The following BID variants were observed in gnomAD, a reference collection of about 807,000 sequenced individuals.
BID encodes the protein BH3-interacting domain death agonist.
In BID, 19 loss-of-function variants were observed where a neutral mutation model predicts 17.4. The observed-to-expected ratio is 1.09, with a 90% CI of 0.76 to 1.60. The LOEUF (loss-of-function observed/expected upper bound fraction) is 1.60, where lower values mean the gene tolerates loss of function less well. Ranked by LOEUF, BID falls within the 40% of genes most tolerant of loss-of-function variation. The pLI is 0.00. For missense variants in BID, 226 were observed against 256.0 expected (o/e 0.88, Z 0.80); for synonymous variants, 108 against 102.8 (o/e 1.05, Z -0.31).
chr22:17,751,835 T>C (rs1328183794), intron 1 of BID, among the ~76,000 whole-genome samples: 1 of 152,170 alleles, frequency 6.6e-6, no homozygotes, highest in African/African-American at 2.4e-5. Context: ...GGCACCAGGA[T>C]CTGGCTCCGG....
At chr22:17,759,396 C>A (rs1471715302) in intron 1 of BID, among the ~76,000 whole-genome samples, 1 of 151,380 alleles carries the variant, frequency 6.6e-6, no homozygotes, top group African/African-American at 2.4e-5. Context: ...CCCATCTCTA[C>A]TAAAAATACA....
intron 1 of BID, among the ~76,000 whole-genome samples, chr22:17,761,867 AG>A (rs1182719001): frequency 6.6e-6 from 1 of 152,232 alleles, no homozygotes; most frequent in African/African-American, 2.4e-5. Flanking sequence ...TGATGATAAA[AG>A]GCACATACCT....
intron 3 of BID, 113 bp from the exon 4 acceptor site, chr22:17,739,601 G>A: frequency 1.5e-6 from 2 of 1,375,152 alleles, no homozygotes; most frequent in Middle Eastern, 2.1e-4. Flanking sequence ...GACAAGGCCA[G>A]CCCCCACTGG....
intron 3 of BID, 117 bp from the exon 4 acceptor site, chr22:17,739,605 C>G (rs907199575): frequency 1.5e-6 from 2 of 1,347,192 alleles, no homozygotes; most frequent in African/African-American, 2.9e-5. Context: ...AGGCCAGCCC[C>G]CACTGGGCAC....
At chr22:17,750,611 G>A (rs2061530805) in intron 1 of BID, among the ~76,000 whole-genome samples, 1 of 152,208 alleles carries the variant, frequency 6.6e-6, no homozygotes, top group African/African-American at 2.4e-5. Context: ...GGTGGATCAT[G>A]AGGTCAGGAG....
At chr22:17,759,682 GC>G (rs1420252968) in intron 1 of BID, among the ~76,000 whole-genome samples, 1 of 151,936 alleles carries the variant, frequency 6.6e-6, no homozygotes, top group African/African-American at 2.4e-5. Flanking sequence ...ACATAGTGAG[GC>G]CCCAACTCTA....
At chr22:17,766,964 C>T (rs1413240766) in intron 1 of BID, among the ~76,000 whole-genome samples, 2 of 151,898 alleles carry the variant, frequency 1.3e-5, no homozygotes, top group African/African-American at 4.8e-5. Flanking sequence ...TGGCTCACGC[C>T]TGTAATCCCA....
At position 17,773,116 on chromosome 22, in the gene BID, G is replaced by A. The variant is rs746967104; in HGVS notation, c.-59+1265C>T. Among the ~76,000 whole-genome samples, 1 of 152,098 alleles carries A rather than the reference G, an allele frequency of 6.6e-6. No individual in the cohort carries two copies. The highest frequency in any genetic ancestry group is 1.5e-5 in the Non-Finnish European group (1 of 68,024). ...ACCCCAGCCACGAACTGCTGACCCC[G>A]CATTTCCTCTTCCCTCCCTGGGCAA... On this transcript the variant is annotated intron_variant, in intron 1 of 5. Transcript: ENST00000622694. The surrounding 1 kb of genome is among the most constrained non-coding windows in gnomAD (Gnocchi z 4.4).
chr22:17,768,657 A>AC (rs768245742), intron 1 of BID, among the ~76,000 whole-genome samples: 413 of 152,302 alleles, frequency 2.7e-3, no homozygotes, highest in Non-Finnish European at 4.6e-3. Context: ...GTGGATCACG[A>AC]GGTCAGGAGA....
Position 17,762,399 on chromosome 22 carries a change from G to A in BID, c.-59+11982C>T, listed in dbSNP as rs545587304. Among the ~76,000 whole-genome samples the A allele has an allele frequency of 8.5e-5, 13 of 152,186 alleles. No individual in the cohort carries two copies. The South Asian group carries it at 2.7e-3, about 32-fold the overall frequency. On this transcript the variant is annotated intron_variant, in intron 1 of 5. Transcript: ENST00000622694. The stretch of plus-strand genomic sequence containing the variant: ...GTAACCCAGCTACTCGGGAGGCTGA[G>A]GCAGAAGAATTGCTTGAACCCAGAA...
At position 17,773,768 on chromosome 22, in the gene BID, T is replaced by A. The variant is rs1161012995; in HGVS notation, c.-59+613A>T. 2.3e-6 allele frequency: 3 copies of A among 1,330,336 alleles called. No individual in the cohort carries two copies. The highest frequency in any genetic ancestry group is 3.1e-6 in the Non-Finnish European group (3 of 957,182). The allele number at this position is 1,330,336 out of a possible 1,614,324, so 82.4% of individuals were successfully genotyped here. ...TGAGGGCTTCAGAGCTCTCCCAGGG[T>A]CCCCTGGGGTCATTCAGCCACTCAA... On this transcript the variant is annotated intron_variant, in intron 1 of 5. Coordinates refer to ENST00000622694, the MANE Select transcript of BID (RefSeq NM_001196.4). The surrounding 1 kb of genome is among the most constrained non-coding windows in gnomAD (Gnocchi z 4.4).
chr22:17,759,059 C>T (rs1314612959), intron 1 of BID, among the ~76,000 whole-genome samples: 6 of 151,840 alleles, frequency 4.0e-5, no homozygotes, highest in Admixed American at 3.3e-4. Flanking sequence ...GGTGAAACCC[C>T]GTCTCTACTA....
rs2061501120 is a variant in BID, at chr22:17,747,327, A to C, written c.12+2778T>G. The stretch of plus-strand genomic sequence containing the variant: ...TGCCCTTTTTTGATCTTCTAGATCC[A>C]CTTTGTTTTTGGAGACAGAGTCTCA... On this transcript the variant is annotated intron_variant, in intron 2 of 5. Transcript: ENST00000622694. Among the ~76,000 whole-genome samples, 3 of 152,028 alleles carry C rather than the reference A, an allele frequency of 2.0e-5. No homozygotes were observed. In the South Asian group the frequency reaches 6.2e-4, roughly 32 times the overall value.
intron 1 of BID, among the ~76,000 whole-genome samples, chr22:17,757,339 G>A (rs1039588312): frequency 1.5e-5 from 2 of 135,570 alleles, no homozygotes; most frequent in African/African-American, 5.6e-5. Flanking sequence ...GGAGGTGGAG[G>A]TTACAGCGAG....
At chr22:17,735,779 CGGT>C (rs2061415084) in intron 5 of BID, among the ~76,000 whole-genome samples, 188 bp from the exon 6 acceptor site, 2 of 151,976 alleles carry the variant, frequency 1.3e-5, no homozygotes, top group Admixed American at 6.5e-5. Context: ...GCCGTTCAGG[CGGT>C]GAGGTGGGTA....
At position 17,739,387 on chromosome 22, in the gene BID, G is replaced by A; in HGVS notation, c.325C>T (p.Leu109=). The A allele has an allele frequency of 1.9e-6, 3 of 1,607,242 alleles. No homozygotes were observed. Among genetic ancestry groups the A allele is most frequent in the Non-Finnish European group, 2.5e-6 (3 of 1,178,172 alleles). The change falls in exon 4 of 6, where the codon CTG becomes TTG. Residue 109 remains leucine, a synonymous_variant. Transcript: ENST00000622694. Reference sequence around the variant, plus strand: ...CTGGTGTTCCTGAGCTGCAGGGCCAGGCCGTTCACCAGGCCCGGAGGGATG... The same window carrying A: ...CTGGTGTTCCTGAGCTGCAGGGCCAAGCCGTTCACCAGGCCCGGAGGGATG... ...RSIPPGLVNG[L]ALQLRNTSRS... is the part of the protein sequence containing the mutation.
At chr22:17,768,912 G>A (rs978921718) in intron 1 of BID, among the ~76,000 whole-genome samples, 3 of 150,840 alleles carry the variant, frequency 2.0e-5, no homozygotes, top group South Asian at 4.2e-4. Context: ...CGTGGTGGTG[G>A]GCGCCTGTAG....
At chr22:17,772,653 CCATCCTTGT>C (rs8190278) in intron 1 of BID, among the ~76,000 whole-genome samples, 5,687 of 152,244 alleles carry the variant, frequency 0.037, 122 homozygotes, top group African/African-American at 0.057. Context: ...TCACCCTCAT[CCATCCTTGT>C]CAGTCCAGGG....
chr22:17,760,008 C>A (rs2061624610), intron 1 of BID, among the ~76,000 whole-genome samples: 1 of 151,510 alleles, frequency 6.6e-6, no homozygotes, highest in Non-Finnish European at 1.5e-5. Flanking sequence ...GTGGTGGGCA[C>A]CTGTAGTCCC....
Sources: gnomAD v4.1 joint callset for allele counts (sites outside exome capture counted in the v4.1 genomes callset) on GRCh38, gnomAD v4.1.1 for gene constraint, Gnocchi (gnomAD v3.1) non-coding constraint, MANE v1.5 for transcripts, NCBI Gene and HGNC (gene_info 2026-07-23, HGNC 2026-07-21) for gene names.